The following AGBL1 variants were observed in gnomAD, a reference collection of about 807,000 sequenced individuals.
AGBL1 encodes the protein cytosolic carboxypeptidase 4.
AGBL1 carries 130 observed loss-of-function variants against 118.9 expected under a neutral mutation model. That is an observed-to-expected ratio of 1.09 (90% CI 0.95 to 1.26). The LOEUF (loss-of-function observed/expected upper bound fraction) is 1.26, where lower values mean the gene tolerates loss of function less well. Ranked by LOEUF, AGBL1 falls within the 50% of genes most tolerant of loss-of-function variation. The probability of loss-of-function intolerance (pLI) is 0.00; values close to 1 mark genes in which losing one functional copy is unlikely to be tolerated. For synonymous variants in AGBL1, 555 were observed against 478.9 expected, an observed-to-expected ratio of 1.16 and a Z score of -2.08; for missense variants, 1,584 against 1,298.1, an observed-to-expected ratio of 1.22 and a Z score of -3.38.
Position 86,736,121 on chromosome 15 carries a change from G to A in AGBL1, c.3158+61685G>A, listed in dbSNP as rs28532813. Among the ~76,000 whole-genome samples, 771 of 152,172 alleles carry A rather than the reference G, an allele frequency of 5.1e-3. 8 individuals are homozygous for A. The highest frequency in any genetic ancestry group is 0.017 in the African/African-American group (725 of 41,504). On this transcript the variant is annotated intron_variant, in intron 22 of 22. Coordinates refer to ENST00000614907, the MANE Select transcript of AGBL1 (RefSeq NM_001386094.1). ...TATTGGGCCAGGCATGGTGACTCTC[G>A]CCTATAATTCCAGCACTTTGAGAGG...
At chr15:86,856,221 C>T (rs1596555796) in intron 22 of AGBL1, among the ~76,000 whole-genome samples, 2 of 152,252 alleles carry the variant, frequency 1.3e-5, no homozygotes, top group Middle Eastern at 3.4e-3. Context: ...TCCCTGCCTC[C>T]CCAGAGGCTG....
intron 18 of AGBL1, among the ~76,000 whole-genome samples, chr15:86,400,082 C>G (rs74027546): frequency 0.056 from 8,502 of 152,156 alleles, 514 homozygotes; most frequent in African/African-American, 0.16. Context: ...CAGTGCCTGA[C>G]CCTTCCTTAG....
chr15:87,012,189 T>TTA (rs1177601266), intron 24 of AGBL1, among the ~76,000 whole-genome samples: 3 of 108,900 alleles, frequency 2.8e-5, no homozygotes, highest in East Asian at 2.6e-4. Flanking sequence ...ATATACAAAT[T>TTA]TATACACACA....
chr15:86,856,606 A>C (rs1361358606), intron 22 of AGBL1, among the ~76,000 whole-genome samples: 3 of 152,226 alleles, frequency 2.0e-5, no homozygotes, highest in Admixed American at 6.5e-5. Context: ...TTGAGCATCC[A>C]CTCTGCAGCA....
At chr15:86,765,861 G>A (rs902267776) in intron 22 of AGBL1, among the ~76,000 whole-genome samples, 1 of 151,888 alleles carries the variant, frequency 6.6e-6, no homozygotes, top group Non-Finnish European at 1.5e-5. Context: ...GACATATGGT[G>A]GTTTCAGTAG....
intron 21 of AGBL1, among the ~76,000 whole-genome samples, chr15:86,579,035 G>A (rs532535357): frequency 6.6e-6 from 1 of 152,096 alleles, no homozygotes; most frequent in Non-Finnish European, 1.5e-5. Context: ...ACCCAGCCTA[G>A]GGTATAACAA....
chr15:86,900,379 C>T (rs549355219), intron 22 of AGBL1, among the ~76,000 whole-genome samples: 4 of 152,114 alleles, frequency 2.6e-5, no homozygotes, highest in African/African-American at 9.7e-5. Context: ...TCTAAGATTC[C>T]TCAGAGAGAT....
chr15:86,465,484 G>A lies in AGBL1; in HGVS notation c.2556-57326G>A, dbSNP rs551909926. The stretch of plus-strand genomic sequence containing the variant: ...AACCATAAATTCTGACTGCCTGCGG[G>A]GCCGGGAAGAACAGAGTCATATTTC... On this transcript the variant is annotated intron_variant, in intron 18 of 22. Transcript: ENST00000614907. Among the ~76,000 whole-genome samples, 51 of 152,132 alleles carry A rather than the reference G, an allele frequency of 3.4e-4. 1 individual carries two copies. Among genetic ancestry groups the A allele is most frequent in the Admixed American group, 5.9e-4 (9 of 15,278 alleles).
intron 19 of AGBL1, 122 bp downstream of exon 19, chr15:86,523,061 A>G: frequency 8.4e-7 from 1 of 1,194,656 alleles, no homozygotes; most frequent in Non-Finnish European, 1.2e-6. Flanking sequence ...ACAAGATAGA[A>G]TGGAGGATGC....
At chr15:86,399,349 A>G (rs1306453674) in intron 18 of AGBL1, among the ~76,000 whole-genome samples, 1 of 152,162 alleles carries the variant, frequency 6.6e-6, no homozygotes, top group Non-Finnish European at 1.5e-5. Flanking sequence ...GATGGAAAAC[A>G]GTTATGCAAG....
chr15:86,895,239 T>C (rs1017057596), intron 22 of AGBL1, among the ~76,000 whole-genome samples: 1 of 152,032 alleles, frequency 6.6e-6, no homozygotes, highest in African/African-American at 2.4e-5. Flanking sequence ...ATTCTTTTTT[T>C]CTCATTAAAA....
At chr15:86,450,040 A>G (rs941803472) in intron 18 of AGBL1, among the ~76,000 whole-genome samples, 1 of 152,132 alleles carries the variant, frequency 6.6e-6, no homozygotes, top group African/African-American at 2.4e-5. Flanking sequence ...AGCTTACTCC[A>G]GCAGCTTATA....
intron 21 of AGBL1, among the ~76,000 whole-genome samples, chr15:86,650,985 G>A (rs969956902): frequency 3.9e-5 from 6 of 152,158 alleles, no homozygotes; most frequent in Non-Finnish European, 4.4e-5. Context: ...GCACTTCTTG[G>A]TTCAAATCCT....
chr15:86,415,524 G>C (rs145755057), intron 18 of AGBL1, among the ~76,000 whole-genome samples: 1 of 152,046 alleles, frequency 6.6e-6, no homozygotes, highest in African/African-American at 2.4e-5. Flanking sequence ...ACACTTATAA[G>C]AACAGTTATT....
chr15:86,576,479 T>C (rs1464186140), intron 21 of AGBL1, among the ~76,000 whole-genome samples: 1 of 152,170 alleles, frequency 6.6e-6, no homozygotes, highest in Non-Finnish European at 1.5e-5. Context: ...TATTTGAACA[T>C]GGTTTGAACA....
chr15:86,273,275 T>C (rs1241445960), intron 15 of AGBL1, among the ~76,000 whole-genome samples: 1 of 152,270 alleles, frequency 6.6e-6, no homozygotes, highest in South Asian at 2.1e-4. Flanking sequence ...CCAATGCTGA[T>C]AGCTTTTAGA....
chr15:86,319,781 A>G (rs1454012159), intron 17 of AGBL1, among the ~76,000 whole-genome samples: 2 of 24,600 alleles, frequency 8.1e-5, no homozygotes, highest in Admixed American at 1.1e-3. Flanking sequence ...TTTTTTTTTG[A>G]GATGGACTCT....
intron 17 of AGBL1, among the ~76,000 whole-genome samples, chr15:86,386,635 T>A (rs2081199733): frequency 6.6e-6 from 1 of 152,006 alleles, no homozygotes; most frequent in African/African-American, 2.4e-5. Context: ...TGTCACCTCC[T>A]CAAAGAGCCT....
intron 1 of AGBL1, among the ~76,000 whole-genome samples, chr15:86,132,177 C>T (rs75684558): frequency 0.065 from 9,828 of 152,136 alleles, 516 homozygotes; most frequent in East Asian, 0.24. Flanking sequence ...TCGAATCATT[C>T]CTGCTTCATA....
Sources: allele counts gnomAD v4.1 joint callset (sites outside exome capture counted in the v4.1 genomes callset), GRCh38; gene constraint gnomAD v4.1.1; transcripts MANE v1.5; gene names NCBI Gene and HGNC (gene_info 2026-07-23, HGNC 2026-07-21).